ADAM32: variants seen among roughly 807,000 people sequenced by gnomAD.
ADAM32 encodes ADAM metallopeptidase domain 32, also known as disintegrin and metalloproteinase domain-containing protein 32.
Under a neutral mutation model 114.9 loss-of-function variants are expected in ADAM32, and 89 were observed. The ratio of observed to expected loss-of-function variants is 0.77; its 90% CI spans 0.65 to 0.92. The LOEUF (loss-of-function observed/expected upper bound fraction) is 0.92. ADAM32 is among the 40% of genes least tolerant of loss of function. The pLI is 0.00. For synonymous variants in ADAM32, 285 were observed against 307.5 expected, an observed-to-expected ratio of 0.93 and a Z score of 0.77; for missense variants, 870 against 932.8, an observed-to-expected ratio of 0.93 and a Z score of 0.88.
Position 39,233,957 on chromosome 8 carries a change from G to GA in ADAM32, c.1697dup (p.Asn566LysfsTer3). 1 of 1,592,332 alleles carries GA rather than the reference G, an allele frequency of 6.3e-7. No homozygotes were observed. Among genetic ancestry groups the GA allele is most frequent in the Non-Finnish European group, 8.6e-7 (1 of 1,168,606 alleles). On this transcript the variant is annotated frameshift_variant, in exon 16 of 25. Transcript: ENST00000379907. LOFTEE classifies it high-confidence loss of function. ...CCCTACTCGAAAGCCTTTCCATCAA[G>GA]AAAATGGTGATGTGATTTATGCTTT...
At chr8:39,279,895 A>G (rs981214425) in intron 22 of ADAM32, among the ~76,000 whole-genome samples, 2 of 152,234 alleles carry the variant, frequency 1.3e-5, no homozygotes, top group East Asian at 3.9e-4. Flanking sequence ...CATTGGGAGG[A>G]TGAGAGTATT....
intron 19 of ADAM32, among the ~76,000 whole-genome samples, chr8:39,267,503 G>A (rs1468177477): frequency 3.3e-5 from 5 of 151,974 alleles, no homozygotes; most frequent in Non-Finnish European, 5.9e-5. Context: ...TGAATATTTG[G>A]GTTATTTCCA....
At chr8:39,271,314 C>T (rs1207777649) in intron 20 of ADAM32, among the ~76,000 whole-genome samples, 1 of 152,066 alleles carries the variant, frequency 6.6e-6, no homozygotes, top group African/African-American at 2.4e-5. Flanking sequence ...TGAAAAATTC[C>T]TGTAGCCTAG....
intron 6 of ADAM32, among the ~76,000 whole-genome samples, chr8:39,160,194 G>A (rs1177299382): frequency 2.0e-5 from 3 of 152,070 alleles, no homozygotes; most frequent in Non-Finnish European, 4.4e-5. Flanking sequence ...TGAGAGAGAG[G>A]AAAAATGAAC....
At chr8:39,185,302 C>A (rs1447320952) in intron 10 of ADAM32, among the ~76,000 whole-genome samples, 1 of 150,604 alleles carries the variant, frequency 6.6e-6, no homozygotes, top group East Asian at 1.9e-4. Context: ...TTTCAGAGAA[C>A]CAAGATCCAT....
intron 1 of ADAM32, among the ~76,000 whole-genome samples, chr8:39,113,175 T>A (rs1564421484): frequency 6.6e-6 from 1 of 152,178 alleles, no homozygotes; most frequent in East Asian, 1.9e-4. Flanking sequence ...TAAGAGGATG[T>A]GTGAAACAGA....
intron 11 of ADAM32, among the ~76,000 whole-genome samples, chr8:39,197,303 C>T (rs1239162587): frequency 2.0e-5 from 3 of 151,440 alleles, no homozygotes; most frequent in African/African-American, 7.3e-5. Flanking sequence ...TTCTTTAGTT[C>T]TTTTTATTTT....
At chr8:39,109,692 A>G (rs1287822902) in intron 1 of ADAM32, among the ~76,000 whole-genome samples, 1 of 152,184 alleles carries the variant, frequency 6.6e-6, no homozygotes, top group African/African-American at 2.4e-5. Flanking sequence ...ATCTGGCACC[A>G]TGGGATCCAT....
intron 3 of ADAM32, among the ~76,000 whole-genome samples, chr8:39,144,512 G>T (rs1803378236): frequency 6.6e-6 from 1 of 152,182 alleles, no homozygotes; most frequent in Non-Finnish European, 1.5e-5. Context: ...GGAGATGCTG[G>T]GTATGAAGTG....
At chr8:39,189,482 C>T (rs1243195683) in intron 11 of ADAM32, among the ~76,000 whole-genome samples, 3 of 151,864 alleles carry the variant, frequency 2.0e-5, no homozygotes, top group Non-Finnish European at 4.4e-5. Context: ...TGAAAAAATT[C>T]TATTGATATA....
intron 10 of ADAM32, among the ~76,000 whole-genome samples, chr8:39,180,787 A>G (rs1418602484): frequency 6.6e-6 from 1 of 151,962 alleles, no homozygotes; most frequent in Non-Finnish European, 1.5e-5. Context: ...CTTTATGTCT[A>G]GCTCAGGGAT....
chr8:39,196,272 A>G (rs1035899782), intron 11 of ADAM32, among the ~76,000 whole-genome samples: 1 of 152,132 alleles, frequency 6.6e-6, no homozygotes, highest in African/African-American at 2.4e-5. Flanking sequence ...ATATAAGAGC[A>G]TGTCACCTAC....
intron 9 of ADAM32, 158 bp downstream of exon 9, chr8:39,165,354 C>A (rs1472571622): frequency 9.1e-6 from 5 of 551,982 alleles, no homozygotes; most frequent in Middle Eastern, 4.9e-4. Context: ...AGTTGTCAGG[C>A]AATAAAAAAC....
At chr8:39,239,824 G>T (rs1435834326) in intron 16 of ADAM32, among the ~76,000 whole-genome samples, 6 of 151,928 alleles carry the variant, frequency 3.9e-5, no homozygotes, top group Admixed American at 3.3e-4. Context: ...ACTTAAAAAA[G>T]ACAAAGAGGG....
At chr8:39,121,829 A>G (rs1840602866) in intron 2 of ADAM32, among the ~76,000 whole-genome samples, 2 of 152,206 alleles carry the variant, frequency 1.3e-5, no homozygotes, top group South Asian at 4.1e-4. Flanking sequence ...GGATGGGGCC[A>G]GTCCCTAGGG....
chr8:39,233,153 G>A (rs1472381482), intron 15 of ADAM32, among the ~76,000 whole-genome samples: 1 of 152,122 alleles, frequency 6.6e-6, no homozygotes, highest in African/African-American at 2.4e-5. Flanking sequence ...AATCCATACA[G>A]TAAAGTGAAA....
At chr8:39,162,092 T>C (rs897318884) in intron 7 of ADAM32, among the ~76,000 whole-genome samples, 1 of 150,944 alleles carries the variant, frequency 6.6e-6, no homozygotes, top group Admixed American at 6.6e-5. Flanking sequence ...ACATGTGCCA[T>C]GTTGGTGTGC....
Position 39,186,932 on chromosome 8 carries a change from G to A in ADAM32, c.939G>A (p.Glu313=), listed in dbSNP as rs774445935. 1.9e-6 allele frequency: 3 copies of A among 1,611,854 alleles called. No individual in the cohort carries two copies. Among genetic ancestry groups the A allele is most frequent in the South Asian group, 1.1e-5 (1 of 90,690 alleles). ...AGTACCCCAAGGAGATAACTCTGGA[G>A]GCATTTGCAGTTATTGTCACCCAGA... The part of the protein sequence containing the change: ...VALYPKEITL[E]AFAVIVTQML... The change falls in exon 11 of 25, where the codon GAG becomes GAA. Residue 313 remains glutamate, a synonymous_variant. Coordinates refer to ENST00000379907, the MANE Select transcript of ADAM32 (RefSeq NM_145004.7).
At chr8:39,181,842 C>A (rs11783079) in intron 10 of ADAM32, among the ~76,000 whole-genome samples, 35,734 of 151,970 alleles carry the variant, frequency 0.24, 4,767 homozygotes, top group Non-Finnish European at 0.29. Flanking sequence ...CTGTGAGATG[C>A]AGTTACTAAG....
Sources: allele counts gnomAD v4.1 joint callset (sites outside exome capture counted in the v4.1 genomes callset), GRCh38; gene constraint gnomAD v4.1.1; transcripts MANE v1.5; gene names NCBI Gene and HGNC (gene_info 2026-07-23, HGNC 2026-07-21).